The following STYX variants were observed in gnomAD, a reference collection of about 807,000 sequenced individuals.
The protein encoded by STYX is serine/threonine/tyrosine interacting protein, also known as serine/threonine/tyrosine-interacting protein.
In STYX, 20 loss-of-function variants were observed where a neutral mutation model predicts 42.7. The observed-to-expected ratio is 0.47, with a 90% CI of 0.33 to 0.68. The LOEUF is 0.68. Ranked by LOEUF, STYX falls within the 30% of genes least tolerant of loss-of-function variation. The pLI, the probability that STYX is intolerant of heterozygous loss-of-function variation, is 0.02. For synonymous variants in STYX, 78 were observed against 81.9 expected (o/e 0.95, Z 0.26); for missense variants, 226 against 268.5 (o/e 0.84, Z 1.11).
At chr14:52,764,795 A>G (rs905055407) in intron 9 of STYX, among the ~76,000 whole-genome samples, 1 of 149,168 alleles carries the variant, frequency 6.7e-6, no homozygotes, top group African/African-American at 2.5e-5. Flanking sequence ...CAGCCTCCCG[A>G]GTAGCTGGGA....
intron 4 of STYX, among the ~76,000 whole-genome samples, chr14:52,756,348 A>G (rs1881866233): frequency 6.6e-6 from 1 of 152,132 alleles, no homozygotes; most frequent in Admixed American, 6.6e-5. Context: ...TTAAATACTT[A>G]AATATCAGAG....
chr14:52,771,216 A>G lies in STYX; in HGVS notation c.*110A>G, dbSNP rs1015911040. ...CATAAGTAGTTTTTTTTTCAATTAC[A>G]TGTTGCTTCCAGACATACTTCTCTG... On this transcript the variant is annotated 3_prime_UTR_variant, in exon 11 of 11. Coordinates refer to ENST00000354586, the MANE Select transcript of STYX (RefSeq NM_145251.4). 2.3e-5 allele frequency: 23 copies of G among 989,556 alleles called. No individual in the cohort carries two copies. Among genetic ancestry groups the G allele is most frequent in the African/African-American group, 3.3e-5 (2 of 60,756 alleles). The allele number at this position is 989,556 out of a possible 1,614,324, so 61.3% of individuals were successfully genotyped here. A position where few individuals can be genotyped will look rare whatever the true frequency, so the allele number is the denominator to read the frequency against.
chr14:52,761,982 T>C (rs1186795273), intron 9 of STYX, among the ~76,000 whole-genome samples: 1 of 151,348 alleles, frequency 6.6e-6, no homozygotes, highest in East Asian at 2.0e-4. Context: ...GAGGCGGAGG[T>C]TGCAGTGAGC....
intron 1 of STYX, among the ~76,000 whole-genome samples, chr14:52,732,967 G>T (rs1049364773): frequency 2.6e-5 from 4 of 152,138 alleles, no homozygotes; most frequent in Admixed American, 2.0e-4. Flanking sequence ...CACCGCGAAG[G>T]AGTATGCTTT....
At chr14:52,742,717 T>C (rs1037672180) in intron 1 of STYX, among the ~76,000 whole-genome samples, 2 of 151,890 alleles carry the variant, frequency 1.3e-5, no homozygotes, top group Admixed American at 1.3e-4. Flanking sequence ...AGTTTCTTTA[T>C]AGTATTAAAA....
At chr14:52,743,324 G>A (rs958717905) in intron 1 of STYX, among the ~76,000 whole-genome samples, 4 of 151,762 alleles carry the variant, frequency 2.6e-5, no homozygotes, top group African/African-American at 4.8e-5. Context: ...GCTCACTCCC[G>A]AAATCCCAGC....
intron 1 of STYX, among the ~76,000 whole-genome samples, chr14:52,733,619 A>C (rs1052839604): frequency 6.6e-6 from 1 of 152,174 alleles, no homozygotes; most frequent in Non-Finnish European, 1.5e-5. Flanking sequence ...TACAGGACTC[A>C]GGGAAGTACA....
chr14:52,770,503 G>A (rs10873061), intron 10 of STYX, among the ~76,000 whole-genome samples: 77,512 of 151,828 alleles, frequency 0.51, 19,890 homozygotes, highest in South Asian at 0.57. Context: ...GCAGATGCTG[G>A]TATGAAGAAT....
At position 52,730,410 on chromosome 14, in the gene STYX, A is replaced by G; in HGVS notation, c.-65A>G. On this transcript the variant is annotated 5_prime_UTR_variant, in exon 1 of 11. Transcript: ENST00000354586. ...CCTCCTTCCTTCCGCCGCCGCAGCC[A>G]GCCCGAGGGTCGGCCGGCTGTGTAA... The G allele has an allele frequency of 6.4e-7, 1 of 1,567,944 alleles. No individual in the cohort carries two copies. The highest frequency in any genetic ancestry group is 1.1e-5 in the South Asian group (1 of 87,814).
chr14:52,766,667 C>A (rs537217953), intron 9 of STYX, among the ~76,000 whole-genome samples: 1 of 152,256 alleles, frequency 6.6e-6, no homozygotes, highest in African/African-American at 2.4e-5. Context: ...TGTGCCCTTA[C>A]CACTTGCAAA....
intron 8 of STYX, among the ~76,000 whole-genome samples, chr14:52,758,600 G>A (rs746886801): frequency 2.0e-5 from 3 of 151,660 alleles, no homozygotes. Context: ...TTTTTGAGAC[G>A]GCGTCTTGCT....
At chr14:52,755,124 T>G (rs1055660538) in intron 4 of STYX, among the ~76,000 whole-genome samples, 25 of 150,646 alleles carry the variant, frequency 1.7e-4, no homozygotes, top group Non-Finnish European at 2.5e-4. Context: ...TTTTTTTGTT[T>G]TTTTTTTTTT....
chr14:52,759,426 C>T (rs758445354), intron 8 of STYX, among the ~76,000 whole-genome samples: 1 of 152,176 alleles, frequency 6.6e-6, no homozygotes. Context: ...GGCCACTTTA[C>T]ACTTACCTCC....
rs1882554963 is a variant in STYX, at chr14:52,772,624, A to G, written c.*1518A>G. ...GATTTCTGTATGTTCCCTTGGTACC[A>G]AGAGGTACTATGCAAAGTAACCTAT... On this transcript the variant is annotated 3_prime_UTR_variant, in exon 11 of 11. Transcript: ENST00000354586. 1 of 152,578 alleles carries G rather than the reference A, an allele frequency of 6.6e-6. No homozygotes were observed. The highest frequency in any genetic ancestry group is 1.5e-5 in the Non-Finnish European group (1 of 68,016). 9.5% of individuals were successfully genotyped at this position (152,578 alleles called of 1,614,324 possible).
chr14:52,750,005 G>C (rs722290), intron 3 of STYX, among the ~76,000 whole-genome samples: 74,288 of 152,004 alleles, frequency 0.49, 18,265 homozygotes, highest in South Asian at 0.55. Flanking sequence ...CAAGACATCT[G>C]AGTATGTATA....
intron 1 of STYX, among the ~76,000 whole-genome samples, chr14:52,731,990 T>C (rs1311401772): frequency 6.7e-6 from 1 of 149,724 alleles, no homozygotes; most frequent in Non-Finnish European, 1.5e-5. Context: ...TTCTCCAGGC[T>C]GGTCTCGAAC....
chr14:52,753,892 ATTTTT>A (rs56734068), intron 4 of STYX, among the ~76,000 whole-genome samples: 34 of 77,236 alleles, frequency 4.4e-4, no homozygotes, highest in African/African-American at 1.4e-3. Flanking sequence ...CAAAACACTG[ATTTTT>A]TTTTTTTTTT....
rs1053685045 is a variant in STYX, at chr14:52,773,108, C to T, written c.*2002C>T. 9.2e-5 allele frequency: 14 copies of T among 152,020 alleles called. No individual in the cohort carries two copies. The highest frequency in any genetic ancestry group is 1.3e-4 in the Non-Finnish European group (9 of 68,000). 9.4% of individuals were successfully genotyped at this position (152,020 alleles called of 1,614,324 possible). On this transcript the variant is annotated 3_prime_UTR_variant, in exon 11 of 11. Coordinates refer to ENST00000354586, the MANE Select transcript of STYX (RefSeq NM_145251.4). ...TAATAGTAAGTTTAGGTTTTAAAAACTTGTTTCATAAATATACATATATCC... is the reference window on the plus strand; with the variant it reads ...TAATAGTAAGTTTAGGTTTTAAAAATTTGTTTCATAAATATACATATATCC...
chr14:52,771,851 G>A lies in STYX; in HGVS notation c.*745G>A, dbSNP rs1335508837. On this transcript the variant is annotated 3_prime_UTR_variant, in exon 11 of 11. Transcript: ENST00000354586. ...AACGTTTTGATTTATAGTACCAAGTGCTTAAACACAAGGATAGTGTTAGAT... is the reference window on the plus strand; with the variant it reads ...AACGTTTTGATTTATAGTACCAAGTACTTAAACACAAGGATAGTGTTAGAT... 1 of 152,418 alleles carries A rather than the reference G, an allele frequency of 6.6e-6. No homozygotes were observed. Among genetic ancestry groups the A allele is most frequent in the East Asian group, 1.9e-4 (1 of 5,194 alleles). The allele number at this position is 152,418 out of a possible 1,614,324, so 9.4% of individuals were successfully genotyped here. A position where few individuals can be genotyped will look rare whatever the true frequency, so the allele number is the denominator to read the frequency against.
Sources: allele counts gnomAD v4.1 joint callset (sites outside exome capture counted in the v4.1 genomes callset), GRCh38; gene constraint gnomAD v4.1.1; transcripts MANE v1.5; gene names NCBI Gene and HGNC (gene_info 2026-07-23, HGNC 2026-07-21).